GLCCI1: variants seen among roughly 807,000 people sequenced by gnomAD.
GLCCI1 encodes glucocorticoid induced 1, also known as glucocorticoid-induced transcript 1 protein.
Under a neutral mutation model 52.2 loss-of-function variants are expected in GLCCI1, and 24 were observed. The ratio of observed to expected loss-of-function variants is 0.46; its 90% CI spans 0.33 to 0.65. The LOEUF (loss-of-function observed/expected upper bound fraction) is 0.65. GLCCI1 is among the 30% of genes least tolerant of loss of function. The pLI, the probability that GLCCI1 is intolerant of heterozygous loss-of-function variation, is 0.02. For synonymous variants in GLCCI1, 310 were observed against 276.5 expected (o/e 1.12, Z -1.20); for missense variants, 704 against 701.5 (o/e 1.00, Z -0.04).
chr7:8,066,265 TTTTG>T (rs537011304), intron 5 of GLCCI1, among the ~76,000 whole-genome samples: 247 of 152,268 alleles, frequency 1.6e-3, no homozygotes, highest in African/African-American at 5.5e-3. Flanking sequence ...TCATTTCTGA[TTTTG>T]TTTATTTGGA....
chr7:7,983,071 G>A (rs937941811), intron 1 of GLCCI1, among the ~76,000 whole-genome samples: 1 of 152,024 alleles, frequency 6.6e-6, no homozygotes, highest in Non-Finnish European at 1.5e-5. Context: ...GTCTTTATGC[G>A]GATATTCCTG....
At chr7:8,014,502 ATTTG>A (rs1461088947) in intron 2 of GLCCI1, among the ~76,000 whole-genome samples, 1 of 152,152 alleles carries the variant, frequency 6.6e-6, no homozygotes, top group Non-Finnish European at 1.5e-5. Context: ...TTAATTCTAT[ATTTG>A]TTTATTATTC....
In GLCCI1 at chr7:8,083,903, A is replaced by G. The variant is rs1036927870; in HGVS notation, c.1178-994A>G. On this transcript the variant is annotated intron_variant, in intron 6 of 7. Coordinates refer to ENST00000223145, the MANE Select transcript of GLCCI1 (RefSeq NM_138426.4). The stretch of plus-strand genomic sequence containing the variant: ...TTTTAAATATTGGACTGTGTTCTAT[A>G]TTCTAAACTAAAGCAACTTATCAAA... Among the ~76,000 whole-genome samples, 7 of 152,360 alleles carry G rather than the reference A, an allele frequency of 4.6e-5. No homozygotes were observed. In the East Asian group the frequency reaches 9.6e-4, roughly 21 times the overall value.
chr7:7,991,129 G>A (rs1278855018), intron 1 of GLCCI1, among the ~76,000 whole-genome samples: 1 of 152,030 alleles, frequency 6.6e-6, no homozygotes. Flanking sequence ...CTTTTTCCTA[G>A]GCCTTTCCCC....
intron 6 of GLCCI1, among the ~76,000 whole-genome samples, chr7:8,073,507 G>T (rs763999360): frequency 6.6e-6 from 1 of 151,502 alleles, no homozygotes; most frequent in African/African-American, 2.4e-5. Context: ...TCATCCTCTT[G>T]TTTTTTTAAT....
chr7:8,004,298 A>G (rs1781104667), intron 2 of GLCCI1: 1 of 321,488 alleles, frequency 3.1e-6, no homozygotes, highest in Admixed American at 4.6e-5. Flanking sequence ...ACATGGTTGT[A>G]GACACGTTGT....
chr7:8,086,123 G>T lies in GLCCI1; in HGVS notation c.1299-70G>T. 1 of 1,344,278 alleles carries T rather than the reference G, an allele frequency of 7.4e-7. No individual in the cohort carries two copies. Among genetic ancestry groups the T allele is most frequent in the Non-Finnish European group, 1.0e-6 (1 of 977,212 alleles). 83.3% of individuals were successfully genotyped at this position (1,344,278 alleles called of 1,614,324 possible). ...ATTTTAGCTGTTTTAGAGAACTCCAGTTAATTCAGAAAATGCTTAACTTTT... is the reference window on the plus strand; with the variant it reads ...ATTTTAGCTGTTTTAGAGAACTCCATTTAATTCAGAAAATGCTTAACTTTT... On this transcript the variant is annotated intron_variant, in intron 7 of 7. Transcript: ENST00000223145. This position sits in a 1 kb window ranked among gnomAD's most constrained non-coding sequence, Gnocchi z 4.4.
At chr7:8,052,710 C>T (rs181139039) in intron 3 of GLCCI1, among the ~76,000 whole-genome samples, 14 of 152,300 alleles carry the variant, frequency 9.2e-5, no homozygotes, top group South Asian at 8.3e-4. Context: ...GCTTGTATCG[C>T]GGTGCAGTGG....
At chr7:8,078,027 A>G (rs538294587) in intron 6 of GLCCI1, among the ~76,000 whole-genome samples, 65 of 151,730 alleles carry the variant, frequency 4.3e-4, no homozygotes, top group Middle Eastern at 6.8e-3. Context: ...GAGGTCAGGA[A>G]ATCGAGACCA....
intron 2 of GLCCI1, among the ~76,000 whole-genome samples, chr7:8,019,349 G>A (rs1008949083): frequency 1.3e-5 from 2 of 152,136 alleles, no homozygotes; most frequent in Admixed American, 1.3e-4. Context: ...GCTAGTAGCT[G>A]TTGTATTGGA....
chr7:8,077,155 A>G (rs1346329633), intron 6 of GLCCI1, among the ~76,000 whole-genome samples: 1 of 152,102 alleles, frequency 6.6e-6, no homozygotes, highest in East Asian at 1.9e-4. Flanking sequence ...GGTAACCAGT[A>G]AACTCTGATA....
chr7:8,083,602 A>G (rs1562454753), intron 6 of GLCCI1, among the ~76,000 whole-genome samples: 1 of 152,180 alleles, frequency 6.6e-6, no homozygotes, highest in Non-Finnish European at 1.5e-5. Context: ...ATTTCATTCT[A>G]AGACTTAATT....
chr7:8,007,586 C>G (rs1331805096), intron 2 of GLCCI1, among the ~76,000 whole-genome samples: 1 of 152,128 alleles, frequency 6.6e-6, no homozygotes, highest in South Asian at 2.1e-4. Context: ...ATGGCGACAT[C>G]CGTTTCTCCT....
At chr7:8,063,925 C>G (rs900395833) in intron 5 of GLCCI1, among the ~76,000 whole-genome samples, 1 of 152,060 alleles carries the variant, frequency 6.6e-6, no homozygotes, top group South Asian at 2.1e-4. Context: ...TCATACCTGG[C>G]CATTTGCCCA....
At chr7:8,039,212 T>C (rs950138663) in intron 3 of GLCCI1, among the ~76,000 whole-genome samples, 3 of 152,150 alleles carry the variant, frequency 2.0e-5, no homozygotes, top group African/African-American at 7.2e-5. Context: ...GAACTAAAAA[T>C]AGAACTGCCA....
intron 1 of GLCCI1, among the ~76,000 whole-genome samples, chr7:7,977,284 A>G (rs1780511346): frequency 6.6e-6 from 1 of 152,222 alleles, no homozygotes; most frequent in South Asian, 2.1e-4. Flanking sequence ...ACTATAGATG[A>G]TATTGAGAAT....
At chr7:8,018,151 TAGC>T (rs1251545869) in intron 2 of GLCCI1, among the ~76,000 whole-genome samples, 4 of 152,274 alleles carry the variant, frequency 2.6e-5, no homozygotes, top group South Asian at 2.1e-4. Context: ...ATAAAATAAT[TAGC>T]AGTCAGTACT....
At chr7:8,015,226 A>G (rs1314638842) in intron 2 of GLCCI1, among the ~76,000 whole-genome samples, 1 of 152,228 alleles carries the variant, frequency 6.6e-6, no homozygotes, top group African/African-American at 2.4e-5. Flanking sequence ...GGAGGACTTT[A>G]GTCAAAGGAA....
intron 1 of GLCCI1, chr7:7,981,120 G>A (rs1053222883): frequency 4.3e-6 from 2 of 464,766 alleles, no homozygotes; most frequent in South Asian, 3.3e-5. Context: ...AAAAATCTGT[G>A]TATGCAAATT....
Sources: allele counts gnomAD v4.1 joint callset (sites outside exome capture counted in the v4.1 genomes callset), GRCh38; gene constraint gnomAD v4.1.1; non-coding constraint Gnocchi (gnomAD v3.1); transcripts MANE v1.5; gene names NCBI Gene and HGNC (gene_info 2026-07-23, HGNC 2026-07-21).